Variants in HSPBP1 observed in about 807,000 individuals in gnomAD.
HSPBP1 encodes the protein hsp70-binding protein 1.
HSPBP1 carries 31 observed loss-of-function variants against 41.7 expected under a neutral mutation model. The observed-to-expected ratio is 0.74, with a 90% CI of 0.56 to 1.00. HSPBP1 has a LOEUF of 1.00. HSPBP1 is among the 50% of genes least tolerant of loss of function. HSPBP1 has a pLI of 0.00. For synonymous variants in HSPBP1, 199 were observed against 214.4 expected, an observed-to-expected ratio of 0.93 and a Z score of 0.63; for missense variants, 439 against 487.9, an observed-to-expected ratio of 0.90 and a Z score of 0.94.
Position 55,270,842 on chromosome 19 carries a change from TC to T in HSPBP1, c.640+3555del, listed in dbSNP as rs961894220. Among the ~76,000 whole-genome samples the T allele has an allele frequency of 6.9e-6, 1 of 144,246 alleles. No homozygotes were observed. The highest frequency in any genetic ancestry group is 2.2e-4 in the South Asian group (1 of 4,546). 94.6% of individuals were successfully genotyped at this position (144,246 alleles called of 152,430 possible). On this transcript the variant is annotated intron_variant, in intron 4 of 7. Transcript: ENST00000433386. This position sits in a 1 kb window ranked among gnomAD's most constrained non-coding sequence, Gnocchi z 5.4. ...CACATACCCCACACATATACATACA[TC>T]CCCCCAGCACACACATCCCACACAC...
chr19:55,262,705 G>C lies in HSPBP1; in HGVS notation c.1006-23C>G, dbSNP rs372944034. 4.4e-6 allele frequency: 7 copies of C among 1,606,960 alleles called. No homozygotes were observed. In the African/African-American group the frequency reaches 9.4e-5, roughly 22 times the overall value. On this transcript the variant is annotated intron_variant, in intron 7 of 7. Transcript: ENST00000433386. Reference sequence around the variant, plus strand: ...CTCCTGGATTGGGCAGGGGCAGGGAGCAAGGGGCCTGAGTGCAGAGGCCGG... The same window carrying C: ...CTCCTGGATTGGGCAGGGGCAGGGACCAAGGGGCCTGAGTGCAGAGGCCGG...
chr19:55,267,462 CTCTTTT>C (rs2087817788), intron 4 of HSPBP1, among the ~76,000 whole-genome samples: 2 of 96,994 alleles, frequency 2.1e-5, no homozygotes, highest in Non-Finnish European at 4.2e-5. Flanking sequence ...TGTCATCTCT[CTCTTTT>C]TTTTTTTTTT....
At position 55,265,347 on chromosome 19, in the gene HSPBP1, C is replaced by T. The variant is rs1218023642; in HGVS notation, c.936G>A (p.Glu312=). ...DFPQGVRECR[E]PELGLEELLR... ...GGAGCTCCTCCAGGCCCAGTTCCGG[C>T]TCCCGACACTCGCGCACACCCTGCG... Residue 312 remains glutamate (E), a synonymous_variant, in exon 7 of 8, where the codon GAG becomes GAA. Coordinates refer to ENST00000433386, the MANE Select transcript of HSPBP1 (RefSeq NM_012267.5). The T allele has an allele frequency of 1.2e-6, 2 of 1,613,254 alleles. No homozygotes were observed. The highest frequency in any genetic ancestry group is 2.2e-5 in the East Asian group (1 of 44,866).
chr19:55,266,290 G>T lies in HSPBP1; in HGVS notation c.641-4C>A. The T allele has an allele frequency of 6.4e-7, 1 of 1,567,838 alleles. No homozygotes were observed. Among genetic ancestry groups the T allele is most frequent in the East Asian group, 2.3e-5 (1 of 42,738 alleles). On this transcript the variant is annotated splice_region_variant and splice_polypyrimidine_tract_variant and intron_variant, in intron 4 of 7. Coordinates refer to ENST00000433386, the MANE Select transcript of HSPBP1 (RefSeq NM_012267.5). ...GCCTCCTGCTCTCGGACCAGACCTG[G>T]GAGAGGGGGAAAGGTCCTGAGCTTG...
rs527791387 is a variant in HSPBP1, at chr19:55,272,465, T to C, written c.640+1933A>G. Among the ~76,000 whole-genome samples, 117 of 152,320 alleles carry C rather than the reference T, an allele frequency of 7.7e-4. 1 individual carries two copies. Among genetic ancestry groups the C allele is most frequent in the Non-Finnish European group, 1.5e-3 (101 of 68,032 alleles). On this transcript the variant is annotated intron_variant, in intron 4 of 7. Coordinates refer to ENST00000433386, the MANE Select transcript of HSPBP1 (RefSeq NM_012267.5). This position sits in a 1 kb window ranked among gnomAD's most constrained non-coding sequence, Gnocchi z 4.2. Reference sequence around the variant, plus strand: ...TTAGAGGCAGTAAGTAGATTCATGTTGCAGGGGCTGCGGGAGAGGACGGAC... The same window carrying C: ...TTAGAGGCAGTAAGTAGATTCATGTCGCAGGGGCTGCGGGAGAGGACGGAC...
chr19:55,279,315 G>A, intron 2 of HSPBP1, 84 bp downstream of exon 2: 1 of 1,223,310 alleles, frequency 8.2e-7, no homozygotes, highest in Non-Finnish European at 1.2e-6. Context: ...TAGTCTTCTT[G>A]TGGCTCCCCA....
chr19:55,275,069 G>A (rs969733894), intron 3 of HSPBP1, among the ~76,000 whole-genome samples: 17 of 152,300 alleles, frequency 1.1e-4, no homozygotes, highest in East Asian at 7.7e-4. Context: ...GAGCCAGGCC[G>A]GCTCCCACAG....
At chr19:55,265,441 G>C in intron 6 of HSPBP1, 52 bp from the exon 7 acceptor site, 1 of 1,426,058 alleles carries the variant, frequency 7.0e-7, no homozygotes, top group Non-Finnish European at 9.9e-7. Flanking sequence ...AGGCCTCACT[G>C]ACCCAACCCT....
chr19:55,276,398 T>C (rs1433634136), intron 3 of HSPBP1, among the ~76,000 whole-genome samples: 1 of 152,192 alleles, frequency 6.6e-6, no homozygotes, highest in Non-Finnish European at 1.5e-5. Flanking sequence ...AACAGTCATA[T>C]GGGAGGATGT....
At chr19:55,274,355 C>G (rs745854417) in intron 4 of HSPBP1, 43 bp downstream of exon 4, 1 of 655,472 alleles carries the variant, frequency 1.5e-6, no homozygotes, top group Non-Finnish European at 2.5e-6. Context: ...GCACCCCCCC[C>G]CACCGCCAGC....
At chr19:55,267,619 C>T (rs933928662) in intron 4 of HSPBP1, among the ~76,000 whole-genome samples, 2 of 152,068 alleles carry the variant, frequency 1.3e-5, no homozygotes, top group Non-Finnish European at 2.9e-5. Context: ...CACCACTACA[C>T]CCAGCTAATT....
At chr19:55,278,698 G>T (rs2088142386) in intron 2 of HSPBP1, among the ~76,000 whole-genome samples, 1 of 152,014 alleles carries the variant, frequency 6.6e-6, no homozygotes, top group Non-Finnish European at 1.5e-5. Context: ...TGGATCACTT[G>T]ACGCCAGGAG....
intron 3 of HSPBP1, among the ~76,000 whole-genome samples, chr19:55,275,375 GA>G (rs2088044285): frequency 6.6e-6 from 1 of 152,142 alleles, no homozygotes; most frequent in Non-Finnish European, 1.5e-5. Context: ...CAGAAGTAGG[GA>G]CTCAGATACT....
chr19:55,269,342 A>C (rs2087863368), intron 4 of HSPBP1, among the ~76,000 whole-genome samples: 1 of 152,020 alleles, frequency 6.6e-6, no homozygotes, highest in East Asian at 1.9e-4. Context: ...TCCCTACCAC[A>C]ACCTTGATCT....
At chr19:55,263,702 A>C (rs2087702735) in intron 7 of HSPBP1, among the ~76,000 whole-genome samples, 1 of 152,170 alleles carries the variant, frequency 6.6e-6, no homozygotes, top group African/African-American at 2.4e-5. Flanking sequence ...CGGCAGGCTT[A>C]TTTTGCATAA....
At chr19:55,269,408 T>G in intron 4 of HSPBP1, among the ~76,000 whole-genome samples, 1 of 151,994 alleles carries the variant, frequency 6.6e-6, no homozygotes, top group African/African-American at 2.4e-5. Context: ...CCACCCACCC[T>G]CGCCGCATTC....
chr19:55,267,265 C>G (rs184219837), intron 4 of HSPBP1, among the ~76,000 whole-genome samples: 3 of 152,170 alleles, frequency 2.0e-5, no homozygotes, highest in African/African-American at 7.2e-5. Context: ...ATTCTTCAGC[C>G]TCAGCCCCCC....
intron 4 of HSPBP1, among the ~76,000 whole-genome samples, chr19:55,269,732 G>C (rs575260909): frequency 6.6e-6 from 1 of 152,310 alleles, no homozygotes; most frequent in Admixed American, 6.5e-5. Flanking sequence ...GGAGCACAGA[G>C]GATTTGTAGG....
intron 2 of HSPBP1, among the ~76,000 whole-genome samples, chr19:55,278,140 G>A (rs563903876): frequency 1.6e-3 from 248 of 152,264 alleles, no homozygotes; most frequent in Non-Finnish European, 2.9e-3. Context: ...CCAGCTACTC[G>A]GGAGGCTGCA....
Sources: gnomAD v4.1 joint callset for allele counts (sites outside exome capture counted in the v4.1 genomes callset) on GRCh38, gnomAD v4.1.1 for gene constraint, Gnocchi (gnomAD v3.1) non-coding constraint, MANE v1.5 for transcripts, NCBI Gene and HGNC (gene_info 2026-07-23, HGNC 2026-07-21) for gene names.